The following SLC35F4 variants were observed in gnomAD, a reference collection of about 807,000 sequenced individuals.
The protein encoded by SLC35F4 is chromosome 14 open reading frame 36.
Under a neutral mutation model 44.2 loss-of-function variants are expected in SLC35F4, and 24 were observed. The ratio of observed to expected loss-of-function variants is 0.54; its 90% CI spans 0.39 to 0.76. The LOEUF is 0.76. Among genes scored for constraint, SLC35F4 ranks in the 30% least tolerant of loss-of-function variants. The probability of loss-of-function intolerance (pLI) is 0.00; values close to 1 mark genes in which losing one functional copy is unlikely to be tolerated. For synonymous variants in SLC35F4, 238 were observed against 223.6 expected, an observed-to-expected ratio of 1.06 and a Z score of -0.57; for missense variants, 562 against 586.1, an observed-to-expected ratio of 0.96 and a Z score of 0.42.
chr14:57,797,380 G>T (rs1450905908), intron 1 of SLC35F4, among the ~76,000 whole-genome samples: 1 of 152,148 alleles, frequency 6.6e-6, no homozygotes, highest in East Asian at 1.9e-4. Context: ...TATTCATGAG[G>T]CACAGAATGA....
Position 57,717,363 on chromosome 14 carries a change from G to A in SLC35F4, c.104-123239C>T, listed in dbSNP as rs190653133. 3.8e-3 allele frequency among the ~76,000 whole-genome samples: 577 copies of A among 152,242 alleles called. 1 individual carries two copies. The highest frequency in any genetic ancestry group is 6.2e-3 in the Non-Finnish European group (424 of 68,006). ...ATAAGAGTTCTTCTTCCAGCTGGGCGCGGTGGCTCACCCCTGTAATCCCAG... is the reference window on the plus strand; with the variant it reads ...ATAAGAGTTCTTCTTCCAGCTGGGCACGGTGGCTCACCCCTGTAATCCCAG... On this transcript the variant is annotated intron_variant, in intron 1 of 7. Transcript: ENST00000556826.
intron 1 of SLC35F4, among the ~76,000 whole-genome samples, chr14:57,838,894 G>A (rs1351237582): frequency 6.6e-6 from 1 of 152,158 alleles, no homozygotes; most frequent in Non-Finnish European, 1.5e-5. Context: ...GAATTCACAT[G>A]AGAATGGCAT....
chr14:57,568,151 C>T (rs1476933158), intron 6 of SLC35F4, among the ~76,000 whole-genome samples: 1 of 152,230 alleles, frequency 6.6e-6, no homozygotes, highest in Non-Finnish European at 1.5e-5. Context: ...CTCTGCAGTG[C>T]ACTGGGGTGG....
intron 1 of SLC35F4, among the ~76,000 whole-genome samples, chr14:57,965,612 C>T (rs548847943): frequency 1.8e-4 from 27 of 152,140 alleles, no homozygotes; most frequent in South Asian, 1.0e-3. Context: ...CATTAAATAA[C>T]GTCCACTCTG....
chr14:57,880,028 AGGAG>A (rs1566919913), intron 1 of SLC35F4, among the ~76,000 whole-genome samples: 2 of 124,288 alleles, frequency 1.6e-5, no homozygotes, highest in African/African-American at 7.1e-5. Flanking sequence ...AGGAAAGGAA[AGGAG>A]GGAGGAAGGA....
intron 1 of SLC35F4, among the ~76,000 whole-genome samples, chr14:57,736,024 CT>C (rs1386838530): frequency 6.6e-6 from 1 of 152,134 alleles, no homozygotes; most frequent in Non-Finnish European, 1.5e-5. Flanking sequence ...TAGACTCCAC[CT>C]CTTAATGGGA....
chr14:57,805,601 A>G (rs1378870427), intron 1 of SLC35F4, among the ~76,000 whole-genome samples: 1 of 152,114 alleles, frequency 6.6e-6, no homozygotes. Flanking sequence ...TGGGGGAACA[A>G]CACACACTAG....
chr14:57,770,927 T>G (rs962799601), intron 1 of SLC35F4, among the ~76,000 whole-genome samples: 1 of 152,186 alleles, frequency 6.6e-6, no homozygotes, highest in Admixed American at 6.5e-5. Context: ...ATTTCTTCAC[T>G]TCAAATGTCT....
At chr14:57,726,436 AAT>A (rs1447076011) in intron 1 of SLC35F4, among the ~76,000 whole-genome samples, 1 of 152,216 alleles carries the variant, frequency 6.6e-6, no homozygotes, top group African/African-American at 2.4e-5. Flanking sequence ...AATTGTCATT[AAT>A]ACTTCCTCCT....
At chr14:57,889,754 A>G (rs1423043139) in intron 1 of SLC35F4, among the ~76,000 whole-genome samples, 3 of 152,222 alleles carry the variant, frequency 2.0e-5, no homozygotes, top group Admixed American at 6.5e-5. Context: ...TTTTATTAAA[A>G]TGAATGCCTT....
At chr14:57,855,372 G>A (rs1886982563) in intron 1 of SLC35F4, among the ~76,000 whole-genome samples, 1 of 152,028 alleles carries the variant, frequency 6.6e-6, no homozygotes, top group South Asian at 2.1e-4. Context: ...TCAAAAAGTG[G>A]GCAAAGAATA....
chr14:57,621,112 G>A (rs947143157), intron 1 of SLC35F4, among the ~76,000 whole-genome samples: 1 of 151,650 alleles, frequency 6.6e-6, no homozygotes, highest in Admixed American at 6.6e-5. Context: ...CCTTACAAGG[G>A]ATGTGAAGGA....
intron 1 of SLC35F4, among the ~76,000 whole-genome samples, chr14:57,893,460 A>T (rs1331070249): frequency 6.6e-6 from 1 of 152,198 alleles, no homozygotes; most frequent in Non-Finnish European, 1.5e-5. Flanking sequence ...ATAAACAGTA[A>T]CTGAAAAAGG....
At chr14:57,884,277 G>A (rs1027450209) in intron 1 of SLC35F4, among the ~76,000 whole-genome samples, 16 of 152,078 alleles carry the variant, frequency 1.1e-4, no homozygotes, top group Non-Finnish European at 4.4e-5. Flanking sequence ...TTGGCTTTTC[G>A]TCATATAAGT....
intron 1 of SLC35F4, among the ~76,000 whole-genome samples, chr14:57,879,028 G>A (rs773084259): frequency 2.6e-5 from 4 of 152,080 alleles, no homozygotes; most frequent in Non-Finnish European, 5.9e-5. Flanking sequence ...TCCAGGCAGG[G>A]CCAAAATTTT....
intron 5 of SLC35F4, among the ~76,000 whole-genome samples, chr14:57,571,456 G>A (rs2068500046): frequency 6.6e-6 from 1 of 152,164 alleles, no homozygotes; most frequent in East Asian, 1.9e-4. Flanking sequence ...CCTCTTTTGA[G>A]TTAAAATAAT....
At chr14:57,735,322 C>T (rs1341983285) in intron 1 of SLC35F4, among the ~76,000 whole-genome samples, 5 of 152,228 alleles carry the variant, frequency 3.3e-5, no homozygotes, top group African/African-American at 9.6e-5. Context: ...CATAACAAGT[C>T]AGCCCTAATT....
chr14:57,709,361 T>C (rs994222557), intron 1 of SLC35F4, among the ~76,000 whole-genome samples: 2 of 152,158 alleles, frequency 1.3e-5, no homozygotes, highest in Admixed American at 6.5e-5. Context: ...TTCTGGTCAC[T>C]TCTCACTATG....
At chr14:57,915,487 T>A (rs990039655) in intron 1 of SLC35F4, among the ~76,000 whole-genome samples, 1 of 152,240 alleles carries the variant, frequency 6.6e-6, no homozygotes, top group African/African-American at 2.4e-5. Flanking sequence ...TAAATTTCAT[T>A]TAAAATCATC....
Sources: gnomAD v4.1 joint callset for allele counts (sites outside exome capture counted in the v4.1 genomes callset) on GRCh38, gnomAD v4.1.1 for gene constraint, MANE v1.5 for transcripts, NCBI Gene and HGNC (gene_info 2026-07-23, HGNC 2026-07-21) for gene names.